HYDIN: variants seen among roughly 807,000 people sequenced by gnomAD.
The protein encoded by HYDIN is axonemal central pair apparatus protein HYDIN.
A neutral mutation model predicts 403.9 loss-of-function variants in HYDIN; 132 were observed. The ratio of observed to expected loss-of-function variants is 0.33; its 90% confidence interval spans 0.28 to 0.38. The LOEUF is 0.38. Among genes scored for constraint, HYDIN ranks in the 10% least tolerant of loss-of-function variants. The pLI is 1.00. For missense variants in HYDIN, 2,827 were observed against 5,009.5 expected (o/e 0.56, Z 13.15); for synonymous variants, 1,202 against 1,891.7 (o/e 0.64, Z 9.46).
chr16:70,942,491 T>C (rs1390506966), intron 42 of HYDIN, among the ~76,000 whole-genome samples: 1 of 152,212 alleles, frequency 6.6e-6, no homozygotes, highest in Non-Finnish European at 1.5e-5. Context: ...GGGGAGCAGC[T>C]GGGCCTTTTG....
At chr16:71,201,856 G>C (rs1957486863) in intron 1 of HYDIN, among the ~76,000 whole-genome samples, 1 of 152,242 alleles carries the variant, frequency 6.6e-6, no homozygotes, top group Non-Finnish European at 1.5e-5. Context: ...TGTGACCATA[G>C]TATCTTGACA....
intron 5 of HYDIN, among the ~76,000 whole-genome samples, chr16:71,170,855 C>T (rs1450968148): frequency 1.3e-5 from 2 of 152,072 alleles, no homozygotes; most frequent in East Asian, 3.9e-4. Context: ...TCAAAATCTA[C>T]TGGGGGAAGG....
chr16:71,183,304 A>G (rs2086984909), intron 3 of HYDIN, among the ~76,000 whole-genome samples: 1 of 152,170 alleles, frequency 6.6e-6, no homozygotes, highest in Non-Finnish European at 1.5e-5. Flanking sequence ...AAATGAACAG[A>G]AAGTTAAAAA....
chr16:71,183,352 C>T (rs944667590), intron 3 of HYDIN, among the ~76,000 whole-genome samples: 1 of 151,676 alleles, frequency 6.6e-6, no homozygotes, highest in Non-Finnish European at 1.5e-5. Flanking sequence ...GAAGGGCAGA[C>T]AAAGAAGGTC....
At chr16:70,932,056 T>TA (rs56716212) in intron 45 of HYDIN, among the ~76,000 whole-genome samples, 7 of 35,090 alleles carry the variant, frequency 2.0e-4, no homozygotes, top group East Asian at 7.8e-4. Context: ...ATCCACAAAA[T>TA]AAAAAAAAAA....
intron 1 of HYDIN, among the ~76,000 whole-genome samples, chr16:71,225,820 A>G (rs779507369): frequency 2.6e-5 from 4 of 152,252 alleles, no homozygotes; most frequent in Non-Finnish European, 5.9e-5. Flanking sequence ...ATCATATACA[A>G]TAGCATCAAA....
At chr16:71,191,409 G>C (rs138898377) in intron 1 of HYDIN, among the ~76,000 whole-genome samples, 3 of 151,992 alleles carry the variant, frequency 2.0e-5, no homozygotes, top group African/African-American at 7.2e-5. Flanking sequence ...AAAAATGCGC[G>C]TGTTTGCGTT....
intron 1 of HYDIN, among the ~76,000 whole-genome samples, chr16:71,221,008 C>T (rs914570471): frequency 2.0e-5 from 3 of 152,110 alleles, no homozygotes; most frequent in Non-Finnish European, 2.9e-5. Flanking sequence ...AAGTGGAGCA[C>T]TGAAACAAAT....
rs377509805 is a variant in HYDIN at position 71,092,266 on chromosome 16, G to A, written c.1446+1551C>T. Reference sequence around the variant, plus strand: ...TACCATCTATAAAAATATCATATACGTTCCCCCATGCCCTTTCCCCTTCCA... The same window carrying A: ...TACCATCTATAAAAATATCATATACATTCCCCCATGCCCTTTCCCCTTCCA... On this transcript the variant is annotated intron_variant, in intron 11 of 85. Transcript: ENST00000393567. 6.9e-3 allele frequency among the ~76,000 whole-genome samples: 1,051 copies of A among 152,124 alleles called. 7 individuals carry two copies. Among genetic ancestry groups the A allele is most frequent in the African/African-American group, 0.024 (1,004 of 41,506 alleles).
At chr16:70,808,212 C>A in intron 85 of HYDIN, 150 bp from the exon 86 acceptor site, 1 of 852,302 alleles carries the variant, frequency 1.2e-6, no homozygotes, top group African/African-American at 1.7e-5. Context: ...CTTATAACTC[C>A]CTTGTAGGGT....
intron 8 of HYDIN, among the ~76,000 whole-genome samples, chr16:71,130,470 GTTTTTTT>G (rs56853905): frequency 1.3e-5 from 1 of 75,784 alleles, no homozygotes; most frequent in Non-Finnish European, 2.6e-5. Context: ...ATATATACCG[GTTTTTTT>G]TTTTTTTTTT....
At chr16:71,093,366 T>C (rs550946670) in intron 11 of HYDIN, among the ~76,000 whole-genome samples, 9 of 152,094 alleles carry the variant, frequency 5.9e-5, no homozygotes, top group African/African-American at 2.2e-4. Flanking sequence ...AAAACATGGA[T>C]TGGAGACTAG....
chr16:71,139,823 A>T (rs1179335064), intron 7 of HYDIN, among the ~76,000 whole-genome samples: 3 of 151,844 alleles, frequency 2.0e-5, no homozygotes, highest in Non-Finnish European at 4.4e-5. Flanking sequence ...AAGCAAAGAC[A>T]GTATTTCAAA....
At chr16:70,811,049 G>C (rs2035465223) in intron 84 of HYDIN, among the ~76,000 whole-genome samples, 1 of 152,138 alleles carries the variant, frequency 6.6e-6, no homozygotes, top group Non-Finnish European at 1.5e-5. Flanking sequence ...GGATTCTGGA[G>C]ACTTATTTTC....
At chr16:71,089,225 C>T (rs1241077321) in intron 11 of HYDIN, among the ~76,000 whole-genome samples, 2 of 152,068 alleles carry the variant, frequency 1.3e-5, no homozygotes, top group Non-Finnish European at 2.9e-5. Context: ...ATGTAAAGAG[C>T]TCATGCCTGA....
intron 50 of HYDIN, among the ~76,000 whole-genome samples, chr16:70,904,531 G>GTTTT (rs1567802705): frequency 9.2e-4 from 21 of 22,736 alleles, no homozygotes; most frequent in East Asian, 1.1e-3. Context: ...AGGGAGTTTC[G>GTTTT]TTCTTGTTGC....
At chr16:71,197,252 A>C (rs748823350) in intron 1 of HYDIN, among the ~76,000 whole-genome samples, 2 of 152,238 alleles carry the variant, frequency 1.3e-5, no homozygotes, top group East Asian at 3.8e-4. Context: ...AAAATAGTAC[A>C]GTATCTACTA....
chr16:71,204,875 G>C (rs2088210813), intron 1 of HYDIN, among the ~76,000 whole-genome samples: 1 of 152,094 alleles, frequency 6.6e-6, no homozygotes, highest in Admixed American at 6.5e-5. Flanking sequence ...TCCACTTCTA[G>C]TAATGGCAAC....
At chr16:70,920,543 G>A (rs370006669) in intron 46 of HYDIN, 48 bp downstream of exon 46, 45 of 1,459,944 alleles carry the variant, frequency 3.1e-5, no homozygotes, top group African/African-American at 2.7e-4. Flanking sequence ...TTAGCACAGC[G>A]CCTGCTGCCT....
Sources: allele counts gnomAD v4.1 joint callset (sites outside exome capture counted in the v4.1 genomes callset), GRCh38; gene constraint gnomAD v4.1.1; transcripts MANE v1.5; gene names NCBI Gene and HGNC (gene_info 2026-07-23, HGNC 2026-07-21).